Variants in SLC7A11 observed in about 807,000 individuals in gnomAD.
SLC7A11 encodes cystine/glutamate transporter.
Under a neutral mutation model 54.5 loss-of-function variants are expected in SLC7A11, and 35 were observed. The observed-to-expected ratio is 0.64, with a 90% CI of 0.49 to 0.85. SLC7A11 has a LOEUF of 0.85. SLC7A11 is among the 40% of genes least tolerant of loss of function. SLC7A11 has a pLI of 0.00. For missense variants in SLC7A11, 583 were observed against 618.1 expected, an observed-to-expected ratio of 0.94 and a Z score of 0.60; for synonymous variants, 230 against 225.2, an observed-to-expected ratio of 1.02 and a Z score of -0.19.
rs1332436200 is a variant in SLC7A11, at chr4:138,171,248, C to G, written c.*708G>C. 6.6e-6 allele frequency: 1 copy of G among 151,974 alleles called. No homozygotes were observed. Among genetic ancestry groups the G allele is most frequent in the Non-Finnish European group, 1.5e-5 (1 of 67,974 alleles). 9.4% of individuals were successfully genotyped at this position (151,974 alleles called of 1,614,324 possible). On this transcript the variant is annotated 3_prime_UTR_variant, in exon 12 of 12. Coordinates refer to ENST00000280612, the MANE Select transcript of SLC7A11 (RefSeq NM_014331.4). ...AAAAAAAAATGACAGATAACTAAAACTTCCTGATAATGAATGAAAAAACAT... is the reference window on the plus strand; with the variant it reads ...AAAAAAAAATGACAGATAACTAAAAGTTCCTGATAATGAATGAAAAAACAT...
rs1235068908 is a variant in SLC7A11, at chr4:138,170,246, G to GTA, written c.*1709_*1710insTA. On this transcript the variant is annotated 3_prime_UTR_variant, in exon 12 of 12. Transcript: ENST00000280612. ...ATATATATAAAAAGTGTGTGTGTGTGTGTGTATATATATATATATATATAT... is the reference window on the plus strand; with the variant it reads ...ATATATATAAAAAGTGTGTGTGTGTGTATGTGTATATATATATATATATATAT... 8 of 82,892 alleles carry GTA rather than the reference G, an allele frequency of 9.7e-5. No homozygotes were observed. Among genetic ancestry groups the GTA allele is most frequent in the African/African-American group, 3.4e-4 (8 of 23,350 alleles). The allele number at this position is 82,892 out of a possible 1,614,324, so 5.1% of individuals were successfully genotyped here. A position where few individuals can be genotyped will look rare whatever the true frequency, so the allele number is the denominator to read the frequency against.
At position 138,183,275 on chromosome 4, in the gene SLC7A11, A is replaced by G. The variant is rs200020771; in HGVS notation, c.946T>C (p.Ser316Pro). ...TFSERLLGNF[S>P]LAVPIFVALS... is the part of the protein sequence containing the mutation. ...GCAACAAAGATCGGAACTGCTAATG[A>G]GAAATTTCCCAGTAGCCGCTCAGAA... The change falls in exon 8 of 12, where the codon TCA becomes CCA. Residue 316 changes from serine to proline, a missense_variant. Physicochemically the swap from Ser to Pro is moderately conservative, Grantham distance 74 (BLOSUM62 -1). Transcript: ENST00000280612. The G allele has an allele frequency of 4.0e-5, 65 of 1,611,584 alleles. No homozygotes were observed. The highest frequency in any genetic ancestry group is 1.8e-5 in the Non-Finnish European group (21 of 1,178,696).
At chr4:138,221,620 A>C (rs1002706858) in intron 4 of SLC7A11, among the ~76,000 whole-genome samples, 2 of 152,238 alleles carry the variant, frequency 1.3e-5, no homozygotes, top group African/African-American at 4.8e-5. Flanking sequence ...ATTATTGATT[A>C]AAGTGTCTCT....
Position 138,164,107 on chromosome 4 carries a change from TATC to T in SLC7A11, c.*7846_*7848del, listed in dbSNP as rs1736190852. On this transcript the variant is annotated 3_prime_UTR_variant, in exon 12 of 12. Coordinates refer to ENST00000280612, the MANE Select transcript of SLC7A11 (RefSeq NM_014331.4). ...ACATGACGACATTTATTATGTAAAC[TATC>T]AAATGTTTATTTAAATTTCCATTTA... The T allele has an allele frequency of 6.6e-6, 1 of 152,578 alleles. No individual in the cohort carries two copies. Among genetic ancestry groups the T allele is most frequent in the Admixed American group, 6.6e-5 (1 of 15,248 alleles). The allele number at this position is 152,578 out of a possible 1,614,324, so 9.5% of individuals were successfully genotyped here.
At chr4:138,225,665 A>G (rs1221971675) in intron 3 of SLC7A11, among the ~76,000 whole-genome samples, 1 of 152,114 alleles carries the variant, frequency 6.6e-6, no homozygotes, top group Non-Finnish European at 1.5e-5. Context: ...GTGATGAGTC[A>G]TTACACAATA....
In SLC7A11 at chr4:138,172,130, A is replaced by C; in HGVS notation, c.1445-113T>G. On this transcript the variant is annotated intron_variant, in intron 11 of 11. Transcript: ENST00000280612. ...CCAAAAACACACAACTGTCTACTTCATAGAGCACTTTCAAGAATTATTTAC... is the reference window on the plus strand; with the variant it reads ...CCAAAAACACACAACTGTCTACTTCCTAGAGCACTTTCAAGAATTATTTAC... 2.8e-6 allele frequency: 3 copies of C among 1,062,138 alleles called. No individual in the cohort carries two copies. The East Asian group carries it at 9.0e-5, about 32-fold the overall frequency. 65.8% of individuals were successfully genotyped at this position (1,062,138 alleles called of 1,614,324 possible).
At chr4:138,203,707 T>G (rs1239701008) in intron 6 of SLC7A11, among the ~76,000 whole-genome samples, 1 of 152,076 alleles carries the variant, frequency 6.6e-6, no homozygotes. Flanking sequence ...AAAACATATC[T>G]TCATGGACTA....
chr4:138,228,773 A>G (rs1385819589), intron 3 of SLC7A11, among the ~76,000 whole-genome samples: 1 of 151,170 alleles, frequency 6.6e-6, no homozygotes, highest in East Asian at 1.9e-4. Flanking sequence ...AAAAAAAAAA[A>G]AAAAAAAAAG....
chr4:138,210,968 C>T (rs1049169115), intron 6 of SLC7A11, among the ~76,000 whole-genome samples: 2 of 152,008 alleles, frequency 1.3e-5, no homozygotes, highest in Non-Finnish European at 2.9e-5. Context: ...CAGCACTATT[C>T]ACAATAGCAA....
At chr4:138,216,120 A>G (rs1382757787) in intron 5 of SLC7A11, among the ~76,000 whole-genome samples, 1 of 152,162 alleles carries the variant, frequency 6.6e-6, no homozygotes, top group East Asian at 1.9e-4. Flanking sequence ...GGTTTACAAC[A>G]CTTCAAGGAC....
intron 3 of SLC7A11, among the ~76,000 whole-genome samples, chr4:138,227,072 G>A (rs948863451): frequency 6.6e-6 from 1 of 152,192 alleles, no homozygotes; most frequent in Non-Finnish European, 1.5e-5. Context: ...AAGGACTGAA[G>A]CTGTGATTTA....
intron 3 of SLC7A11, among the ~76,000 whole-genome samples, chr4:138,229,388 C>T (rs1738021354): frequency 6.6e-6 from 1 of 152,182 alleles, no homozygotes; most frequent in South Asian, 2.1e-4. Context: ...TTTACATTAC[C>T]TACCACTGAG....
At chr4:138,230,192 A>G (rs1056466031) in intron 3 of SLC7A11, among the ~76,000 whole-genome samples, 2 of 152,162 alleles carry the variant, frequency 1.3e-5, no homozygotes, top group Non-Finnish European at 2.9e-5. Context: ...GTTTTCACGT[A>G]TAAGTGGGAG....
At chr4:138,240,868 CAGGTAGCTCTCT>C (rs1480603752) in intron 1 of SLC7A11, among the ~76,000 whole-genome samples, 1 of 152,166 alleles carries the variant, frequency 6.6e-6, no homozygotes, top group East Asian at 1.9e-4. Context: ...ACAACAAACT[CAGGTAGCTCTCT>C]AGTAATTTGC....
chr4:138,196,785 G>A (rs1027523708), intron 6 of SLC7A11, among the ~76,000 whole-genome samples: 4 of 151,948 alleles, frequency 2.6e-5, no homozygotes, highest in East Asian at 1.9e-4. Flanking sequence ...TCAGCCTCCC[G>A]AGTAGCTGGG....
chr4:138,205,752 A>C (rs1737390404), intron 6 of SLC7A11, among the ~76,000 whole-genome samples: 1 of 152,022 alleles, frequency 6.6e-6, no homozygotes, highest in African/African-American at 2.4e-5. Flanking sequence ...CATAAATAAG[A>C]ATATGAATGA....
intron 6 of SLC7A11, among the ~76,000 whole-genome samples, chr4:138,202,731 G>A (rs577576813): frequency 2.0e-5 from 3 of 152,004 alleles, no homozygotes; most frequent in East Asian, 3.9e-4. Context: ...TTTTGCAGCC[G>A]ATAACCCAGA....
At position 138,188,072 on chromosome 4, in the gene SLC7A11, C is replaced by CT. The variant is rs1027162222; in HGVS notation, c.792-2829dup. On this transcript the variant is annotated intron_variant, in intron 6 of 11. Coordinates refer to ENST00000280612, the MANE Select transcript of SLC7A11 (RefSeq NM_014331.4). Reference sequence around the variant, plus strand: ...AATTATTCTTTTTTAAAAAAATTTTCTTTTTTTTTAAGATAGAGTCTCACT... The same window carrying CT: ...AATTATTCTTTTTTAAAAAAATTTTCTTTTTTTTTTAAGATAGAGTCTCACT... Among the ~76,000 whole-genome samples the CT allele has an allele frequency of 1.9e-4, 29 of 151,244 alleles. No individual in the cohort carries two copies. In the South Asian group the frequency reaches 3.8e-3, roughly 20 times the overall value.
chr4:138,217,329 T>C (rs1737703743), intron 5 of SLC7A11, among the ~76,000 whole-genome samples: 1 of 152,142 alleles, frequency 6.6e-6, no homozygotes, highest in South Asian at 2.1e-4. Context: ...ACATGAGGAT[T>C]ATATGGGTAA....
Sources: allele counts gnomAD v4.1 joint callset (sites outside exome capture counted in the v4.1 genomes callset), GRCh38; gene constraint gnomAD v4.1.1; transcripts MANE v1.5; gene names NCBI Gene and HGNC (gene_info 2026-07-23, HGNC 2026-07-21).